NPAS2: variants seen among roughly 807,000 people sequenced by gnomAD.
NPAS2 encodes neuronal PAS domain-containing protein 2.
In NPAS2, 23 loss-of-function variants were observed where a neutral mutation model predicts 107.5. That is an observed-to-expected ratio of 0.21 (90% CI 0.15 to 0.30). The LOEUF is 0.30. Among genes scored for constraint, NPAS2 ranks in the 10% least tolerant of loss-of-function variants. NPAS2 has a pLI of 1.00. For missense variants in NPAS2, 756 were observed against 1,043.3 expected (o/e 0.72, Z 3.79); for synonymous variants, 403 against 417.5 (o/e 0.97, Z 0.42).
At chr2:100,906,238 T>C (rs1377983912) in intron 2 of NPAS2, among the ~76,000 whole-genome samples, 1 of 152,210 alleles carries the variant, frequency 6.6e-6, no homozygotes, top group Non-Finnish European at 1.5e-5. Flanking sequence ...CTACAAGGGT[T>C]GCAAAATCCA....
At chr2:100,876,738 T>C (rs1256713164) in intron 1 of NPAS2, among the ~76,000 whole-genome samples, 1 of 152,078 alleles carries the variant, frequency 6.6e-6, no homozygotes, top group Admixed American at 6.5e-5. Flanking sequence ...TCCCATCTGT[T>C]TGGGCATCTC....
chr2:100,914,330 G>T (rs971561551), intron 2 of NPAS2, among the ~76,000 whole-genome samples: 1 of 152,214 alleles, frequency 6.6e-6, no homozygotes. Flanking sequence ...TGAGCTGCAA[G>T]TACAACCCTC....
intron 2 of NPAS2, 126 bp downstream of exon 2, chr2:100,904,912 ACT>A (rs1424761269): frequency 1.4e-5 from 10 of 694,626 alleles, no homozygotes; most frequent in Non-Finnish European, 2.3e-5. Flanking sequence ...TGTAGGACAC[ACT>A]CTCTGTGACA....
At chr2:100,849,790 C>T (rs1220993410) in intron 1 of NPAS2, among the ~76,000 whole-genome samples, 1 of 151,988 alleles carries the variant, frequency 6.6e-6, no homozygotes, top group Non-Finnish European at 1.5e-5. Context: ...GGAATGGACA[C>T]AGCGTGGTTC....
At chr2:100,821,113 G>A (rs866840653) in intron 1 of NPAS2, 9 of 1,304,700 alleles carry the variant, frequency 6.9e-6, no homozygotes, top group Middle Eastern at 2.1e-4. Context: ...AGCTGGGCAG[G>A]TCGGTAACCA....
intron 4 of NPAS2, among the ~76,000 whole-genome samples, chr2:100,936,223 G>T (rs190422771): frequency 2.0e-5 from 3 of 152,292 alleles, no homozygotes; most frequent in Admixed American, 1.3e-4. Flanking sequence ...TGCACTGCTC[G>T]TGGCCTCTTC....
intron 2 of NPAS2, among the ~76,000 whole-genome samples, chr2:100,912,777 A>G (rs919271588): frequency 2.0e-5 from 3 of 152,238 alleles, no homozygotes; most frequent in Non-Finnish European, 4.4e-5. Flanking sequence ...GAAGCCAAAC[A>G]TTGTCACTGC....
chr2:100,840,817 T>A (rs1469447745), intron 1 of NPAS2, among the ~76,000 whole-genome samples: 1 of 152,056 alleles, frequency 6.6e-6, no homozygotes, highest in African/African-American at 2.4e-5. Flanking sequence ...AAACAGCAGT[T>A]TGATTCCATT....
rs547691374 is a variant in NPAS2, at chr2:100,951,303, C to A, written c.598+1823C>A. Among the ~76,000 whole-genome samples, 4 of 152,294 alleles carry A rather than the reference C, an allele frequency of 2.6e-5. No individual in the cohort carries two copies. The South Asian group carries it at 8.3e-4, about 32-fold the overall frequency. On this transcript the variant is annotated intron_variant, in intron 7 of 20. Coordinates refer to ENST00000335681, the MANE Select transcript of NPAS2 (RefSeq NM_002518.4). ...GTTCCTCAAAAGATTAAACATAGAA[C>A]TAGCATATGATCCAGCAATTCTACT...
intron 17 of NPAS2, chr2:100,988,829 C>CTCCAGGTCT (rs1677932540): frequency 4.0e-6 from 1 of 250,622 alleles, no homozygotes; most frequent in Non-Finnish European, 7.5e-6. Flanking sequence ...CCTCCAGGTC[C>CTCCAGGTCT]CCCTGCTCCT....
At chr2:100,898,731 T>C (rs1681580560) in intron 1 of NPAS2, among the ~76,000 whole-genome samples, 1 of 151,668 alleles carries the variant, frequency 6.6e-6, no homozygotes, top group African/African-American at 2.4e-5. Context: ...AATCATATAA[T>C]TTTTTTCAGC....
chr2:100,845,447 G>C (rs1047056563), intron 1 of NPAS2, among the ~76,000 whole-genome samples: 2 of 152,190 alleles, frequency 1.3e-5, no homozygotes, highest in Non-Finnish European at 2.9e-5. Context: ...CAGTCTCTCA[G>C]TGCCAATGTA....
chr2:100,974,753 T>C (rs747575201), intron 12 of NPAS2, 50 bp from the exon 13 acceptor site: 7 of 1,578,388 alleles, frequency 4.4e-6, no homozygotes, highest in Non-Finnish European at 6.0e-6. Context: ...CGCCCACTGA[T>C]TCTTTCCTCT....
chr2:100,921,493 G>A (rs1683224489), intron 2 of NPAS2, among the ~76,000 whole-genome samples: 1 of 152,042 alleles, frequency 6.6e-6, no homozygotes, highest in African/African-American at 2.4e-5. Context: ...CAATATCCAT[G>A]TATATTTAAA....
intron 18 of NPAS2, 31 bp downstream of exon 18, chr2:100,990,477 C>T (rs1268723722): frequency 6.2e-7 from 1 of 1,606,384 alleles, no homozygotes; most frequent in Non-Finnish European, 8.5e-7. Flanking sequence ...AAAGGATAAC[C>T]CAGGCATCAT....
At chr2:100,954,336 C>T (rs927444697) in intron 7 of NPAS2, among the ~76,000 whole-genome samples, 2 of 152,160 alleles carry the variant, frequency 1.3e-5, no homozygotes, top group African/African-American at 4.8e-5. Context: ...CCAGCACCAG[C>T]AAGGCCCCAG....
rs34011996 is a variant in NPAS2, at chr2:100,970,894, G to A, written c.1056-96G>A. 193 of 1,061,224 alleles carry A rather than the reference G, an allele frequency of 1.8e-4. 1 individual carries two copies. The highest frequency in any genetic ancestry group is 2.5e-4 in the Non-Finnish European group (175 of 699,028). The allele number at this position is 1,061,224 out of a possible 1,614,324, so 65.7% of individuals were successfully genotyped here. A position where few individuals can be genotyped will look rare whatever the true frequency, so the allele number is the denominator to read the frequency against. ...GACTGTTGTGGGGGGCAGGGGTTAC[G>A]TAGAGAACCTCGATGTACCTTGCTG... On this transcript the variant is annotated intron_variant, in intron 11 of 20. Coordinates refer to ENST00000335681, the MANE Select transcript of NPAS2 (RefSeq NM_002518.4).
intron 1 of NPAS2, among the ~76,000 whole-genome samples, chr2:100,904,281 G>C (rs1042445936): frequency 2.3e-4 from 35 of 152,208 alleles, no homozygotes; most frequent in African/African-American, 7.0e-4. Context: ...AGGCTTGAGA[G>C]GAACAGATGC....
chr2:100,982,424 A>C (rs773621936), intron 16 of NPAS2, 47 bp downstream of exon 16: 1 of 1,599,684 alleles, frequency 6.3e-7, no homozygotes, highest in Admixed American at 1.7e-5. Context: ...CTGTGTGGGA[A>C]GGGGTCCTGC....
Sources: gnomAD v4.1 joint callset for allele counts (sites outside exome capture counted in the v4.1 genomes callset) on GRCh38, gnomAD v4.1.1 for gene constraint, MANE v1.5 for transcripts, NCBI Gene and HGNC (gene_info 2026-07-23, HGNC 2026-07-21) for gene names.